The following CCNDBP1 variants were observed in gnomAD, a reference collection of about 807,000 sequenced individuals.
CCNDBP1 encodes the protein cyclin-D1-binding protein 1.
CCNDBP1 carries 45 observed loss-of-function variants against 46.2 expected under a neutral mutation model. That is an observed-to-expected ratio of 0.97 (90% CI 0.77 to 1.25). CCNDBP1 has a LOEUF of 1.25. Ranked by LOEUF, CCNDBP1 falls within the 50% of genes most tolerant of loss-of-function variation. The pLI is 0.00. For missense variants in CCNDBP1, 436 were observed against 442.1 expected, an observed-to-expected ratio of 0.99 and a Z score of 0.12; for synonymous variants, 154 against 163.6, an observed-to-expected ratio of 0.94 and a Z score of 0.45.
chr15:43,186,724 A>G (rs1422262576), intron 3 of CCNDBP1, among the ~76,000 whole-genome samples: 2 of 152,354 alleles, frequency 1.3e-5, no homozygotes, highest in South Asian at 2.1e-4. Context: ...AACAGATATC[A>G]AAGTGTGTTA....
Position 43,185,894 on chromosome 15 carries a change from T to C in CCNDBP1, c.169+15T>C, listed in dbSNP as rs1213154623. ...GAGAAGACTCAGTGAGTGCGCCTCCTTCCGGGCTCCCCTTGCCTCAGTTCC... is the reference window on the plus strand; with the variant it reads ...GAGAAGACTCAGTGAGTGCGCCTCCCTCCGGGCTCCCCTTGCCTCAGTTCC... On this transcript the variant is annotated intron_variant, in intron 2 of 10. Coordinates refer to ENST00000300213, the MANE Select transcript of CCNDBP1 (RefSeq NM_012142.5). 1.2e-6 allele frequency: 2 copies of C among 1,607,406 alleles called. No individual in the cohort carries two copies. The highest frequency in any genetic ancestry group is 1.7e-5 in the Admixed American group (1 of 59,714).
chr15:43,186,313 C>T (rs530118), intron 3 of CCNDBP1, 80 bp downstream of exon 3: 691,141 of 1,099,268 alleles, frequency 0.63, 227,162 homozygotes, highest in Non-Finnish European at 0.68. Context: ...ACCTTTTGCA[C>T]GCACGCCAGG....
chr15:43,186,115 A>G (rs766181489), intron 2 of CCNDBP1, 39 bp from the exon 3 acceptor site: 4 of 1,571,820 alleles, frequency 2.5e-6, no homozygotes, highest in Admixed American at 3.3e-5. Flanking sequence ...GTGCAGCACT[A>G]ACGTATTGGC....
At chr15:43,192,536 T>TC (rs1198665369) in intron 8 of CCNDBP1, among the ~76,000 whole-genome samples, 13 of 152,094 alleles carry the variant, frequency 8.5e-5, no homozygotes, top group South Asian at 6.2e-4. Context: ...CAAGGGAATT[T>TC]CCCCCCCAGC....
intron 4 of CCNDBP1, chr15:43,189,853 T>C (rs1254278656): frequency 5.5e-6 from 3 of 550,356 alleles, no homozygotes; most frequent in Middle Eastern, 4.7e-4. Flanking sequence ...TCCAAATCTC[T>C]TTTGAAGAAA....
chr15:43,196,983 C>T lies in CCNDBP1; in HGVS notation c.*2142C>T, dbSNP rs530795166. The T allele has an allele frequency of 2.2e-4, 84 of 387,596 alleles. No individual in the cohort carries two copies. The highest frequency in any genetic ancestry group is 1.7e-3 in the South Asian group (80 of 46,352). The allele number at this position is 387,596 out of a possible 1,614,324, so 24.0% of individuals were successfully genotyped here. A position where few individuals can be genotyped will look rare whatever the true frequency, so the allele number is the denominator to read the frequency against. On this transcript the variant is annotated 3_prime_UTR_variant, in exon 11 of 11. Transcript: ENST00000300213. ...TCTCGCTCTATATGTCCCTCCCCCA[C>T]CCCAGAGCTGGCTGTTAAAACGAGG...
chr15:43,189,623 A>G (rs2041916493), intron 4 of CCNDBP1: 1 of 319,962 alleles, frequency 3.1e-6, no homozygotes, highest in South Asian at 5.5e-5. Context: ...CACCCATGTT[A>G]TATCTCACCC....
In CCNDBP1 at chr15:43,185,513, T is replaced by A. The variant is rs1475756825; in HGVS notation, c.15T>A (p.Thr5=). 2.5e-6 allele frequency: 4 copies of A among 1,594,110 alleles called. No homozygotes were observed. Among genetic ancestry groups the A allele is most frequent in the Non-Finnish European group, 3.4e-6 (4 of 1,173,416 alleles). MASA[T]APAAAVPTLA... is the part of the protein sequence containing the mutation. ...AAGCGACTGAGATGGCGAGCGCAAC[T>A]GCACCTGCAGCCGCAGTCCCCACCC... Residue 5 remains threonine, a synonymous_variant, in exon 1 of 11, where the codon ACT becomes ACA. Transcript: ENST00000300213.
intron 9 of CCNDBP1, 111 bp downstream of exon 9, chr15:43,192,914 G>A: frequency 1.0e-6 from 1 of 961,406 alleles, no homozygotes; most frequent in Non-Finnish European, 1.7e-6. Flanking sequence ...CATTTGGATG[G>A]AAGTACAACA....
chr15:43,193,231 G>C (rs2041985694), intron 9 of CCNDBP1: 1 of 153,270 alleles, frequency 6.5e-6, no homozygotes, highest in Non-Finnish European at 1.4e-5. Context: ...TACTTGGAAG[G>C]CTTAAGCAGG....
rs769559849 is a variant in CCNDBP1 at position 43,190,134 on chromosome 15, C to T, written c.411C>T (p.Ser137=). ...DGMAQLMEVL[S]VTPTQSPENN... ...TGGCTCAGCTCATGGAAGTACTTTCCGTCACTCCAACTCAGAGGTAGTGAT... is the reference window on the plus strand; with the variant it reads ...TGGCTCAGCTCATGGAAGTACTTTCTGTCACTCCAACTCAGAGGTAGTGAT... The change falls in exon 5 of 11, where the codon TCC becomes TCT. Residue 137 remains serine, a synonymous_variant. Coordinates refer to ENST00000300213, the MANE Select transcript of CCNDBP1 (RefSeq NM_012142.5). 2.7e-5 allele frequency: 43 copies of T among 1,613,912 alleles called. No individual in the cohort carries two copies. The highest frequency in any genetic ancestry group is 2.2e-4 in the South Asian group (20 of 91,068).
At position 43,185,408 on chromosome 15, in the gene CCNDBP1, C is replaced by G. The variant is rs533720876; in HGVS notation, c.-91C>G. On this transcript the variant is annotated 5_prime_UTR_variant, in exon 1 of 11. Coordinates refer to ENST00000300213, the MANE Select transcript of CCNDBP1 (RefSeq NM_012142.5). ...CTTGTTGACGGAAACGAGCCCTTGA[C>G]GCTGTGGCCCGGAAGTGGAGCGGCT... The G allele has an allele frequency of 9.7e-7, 1 of 1,030,614 alleles. No individual in the cohort carries two copies. The highest frequency in any genetic ancestry group is 1.5e-6 in the Non-Finnish European group (1 of 686,440). 63.8% of individuals were successfully genotyped at this position (1,030,614 alleles called of 1,614,324 possible). A position where few individuals can be genotyped will look rare whatever the true frequency, so the allele number is the denominator to read the frequency against.
chr15:43,191,018 G>A lies in CCNDBP1; in HGVS notation c.555G>A (p.Lys185=), dbSNP rs2041941103. ...LMLTKNVDFV[K]DAHEEMEQAV... ...TGACCAAGAATGTGGATTTTGTGAA[G>A]GATGCACATGAAGAAATGGAGCAGG... Residue 185 remains lysine, a synonymous_variant, in exon 7 of 11, where the codon AAG becomes AAA. Transcript: ENST00000300213. 6.2e-7 allele frequency: 1 copy of A among 1,613,908 alleles called. No homozygotes were observed. The highest frequency in any genetic ancestry group is 1.1e-5 in the South Asian group (1 of 91,092).
rs1009854683 is a variant in CCNDBP1, at chr15:43,196,464, T to C, written c.*1623T>C. On this transcript the variant is annotated 3_prime_UTR_variant, in exon 11 of 11. Coordinates refer to ENST00000300213, the MANE Select transcript of CCNDBP1 (RefSeq NM_012142.5). ...CACCATGTCCAGCTAATTTTTGTAT[T>C]TTTAGTAGAGATGGGGTTTCACCAT... The C allele has an allele frequency of 1.1e-4, 16 of 151,918 alleles. No individual in the cohort carries two copies. Among genetic ancestry groups the C allele is most frequent in the Admixed American group, 9.8e-4 (15 of 15,230 alleles). The allele number at this position is 151,918 out of a possible 1,614,324, so 9.4% of individuals were successfully genotyped here.
At chr15:43,185,964 G>C in intron 2 of CCNDBP1, 85 bp downstream of exon 2, 1 of 1,369,180 alleles carries the variant, frequency 7.3e-7, no homozygotes. Context: ...CCCACGGAGG[G>C]GACTGCTCTC....
At position 43,192,733 on chromosome 15, in the gene CCNDBP1, C is replaced by T. The variant is rs1261876673; in HGVS notation, c.861-10C>T. On this transcript the variant is annotated splice_polypyrimidine_tract_variant and intron_variant, in intron 8 of 10. Transcript: ENST00000300213. ...TTTTGTTAATGATTACTTTTGTTTT[C>T]TGCTCTTAGTGTGGATGATTTGGCT... is the stretch of plus-strand genomic sequence containing the variant. 9.9e-6 allele frequency: 16 copies of T among 1,613,626 alleles called. No individual in the cohort carries two copies. The highest frequency in any genetic ancestry group is 1.4e-5 in the Non-Finnish European group (16 of 1,179,616).
intron 2 of CCNDBP1, 80 bp downstream of exon 2, chr15:43,185,959 G>A: frequency 7.2e-7 from 1 of 1,395,484 alleles, no homozygotes; most frequent in South Asian, 1.2e-5. Flanking sequence ...TGTCCCCCAC[G>A]GAGGGGACTG....
intron 6 of CCNDBP1, 25 bp downstream of exon 6, chr15:43,190,423 AT>A (rs2041930112): frequency 6.2e-7 from 1 of 1,605,104 alleles, no homozygotes; most frequent in African/African-American, 1.3e-5. Flanking sequence ...GCAGTGGGCC[AT>A]GTCTGCTGGC....
At position 43,186,320 on chromosome 15, in the gene CCNDBP1, CAGG is replaced by C. The variant is rs1204363891; in HGVS notation, c.249+90_249+92del. The C allele has an allele frequency of 1.3e-5, 13 of 989,690 alleles. No homozygotes were observed. The Admixed American group carries it at 1.9e-4, about 14-fold the overall frequency. 61.3% of individuals were successfully genotyped at this position (989,690 alleles called of 1,614,324 possible). ...TTCTTTCCACCTTTTGCACGCACGC[CAGG>C]AGATTTCTTTTCTTCATCTGTCCAG... is the stretch of plus-strand genomic sequence containing the variant. On this transcript the variant is annotated intron_variant, in intron 3 of 10. Transcript: ENST00000300213.
Sources: allele counts gnomAD v4.1 joint callset (sites outside exome capture counted in the v4.1 genomes callset), GRCh38; gene constraint gnomAD v4.1.1; transcripts MANE v1.5; gene names NCBI Gene and HGNC (gene_info 2026-07-23, HGNC 2026-07-21).